Variants in ACVR1 observed in about 807,000 individuals in gnomAD.
ACVR1 encodes the protein activin A receptor type 1.
Under a neutral mutation model 57.1 loss-of-function variants are expected in ACVR1, and 38 were observed. That is an observed-to-expected ratio of 0.67 (90% confidence interval 0.51 to 0.87). The LOEUF (loss-of-function observed/expected upper bound fraction) is 0.87, where lower values mean the gene tolerates loss of function less well. ACVR1 is among the 40% of genes least tolerant of loss of function. The pLI is 0.00. For missense variants in ACVR1, 463 were observed against 638.2 expected (o/e 0.73, Z 2.96); for synonymous variants, 212 against 228.1 (o/e 0.93, Z 0.63).
chr2:157,803,548 C>T (rs1687404340), intron 2 of ACVR1, among the ~76,000 whole-genome samples: 2 of 152,104 alleles, frequency 1.3e-5, no homozygotes, highest in Admixed American at 1.3e-4. Flanking sequence ...AATCTCAACC[C>T]GAAGTCCCAA....
chr2:157,740,818 T>G (rs1344723408), intron 9 of ACVR1, among the ~76,000 whole-genome samples: 1 of 152,216 alleles, frequency 6.6e-6, no homozygotes, highest in African/African-American at 2.4e-5. Flanking sequence ...AATGTCCCCA[T>G]GTTTTAATAA....
At chr2:157,781,521 T>C (rs1447029464) in intron 3 of ACVR1, among the ~76,000 whole-genome samples, 1 of 152,124 alleles carries the variant, frequency 6.6e-6, no homozygotes, top group African/African-American at 2.4e-5. Flanking sequence ...AATTTTTGGC[T>C]GGCAGGAAAA....
At chr2:157,784,064 C>T (rs1006262645) in intron 3 of ACVR1, among the ~76,000 whole-genome samples, 6 of 152,206 alleles carry the variant, frequency 3.9e-5, no homozygotes, top group African/African-American at 1.4e-4. Context: ...ATAGCATTCT[C>T]GGATCTTAAT....
At chr2:157,791,344 G>A (rs756801982) in intron 3 of ACVR1, among the ~76,000 whole-genome samples, 1 of 152,176 alleles carries the variant, frequency 6.6e-6, no homozygotes, top group Admixed American at 6.5e-5. Context: ...TTGAAAGAGT[G>A]CATGTGATCA....
chr2:157,752,497 C>A (rs1467605949), intron 9 of ACVR1, among the ~76,000 whole-genome samples: 3 of 152,130 alleles, frequency 2.0e-5, no homozygotes, highest in Non-Finnish European at 4.4e-5. Context: ...TTCAGAAGGT[C>A]GTTTATTAAG....
chr2:157,770,441 G>A lies in ACVR1; in HGVS notation c.717C>T (p.Ser239=). The stretch of plus-strand genomic sequence containing the variant: ...CCCTGAACCATGACTTCTCATCACG[G>A]GAGGAGAAGATCTTCACGGCAACAT... ...GENVAVKIFS[S]RDEKSWFRET... is the part of the protein sequence containing the mutation. The change falls in exon 7 of 11, where the codon TCC becomes TCT. Residue 239 remains serine, a synonymous_variant. Coordinates refer to ENST00000434821, the MANE Select transcript of ACVR1 (RefSeq NM_001111067.4). 3 of 1,613,596 alleles carry A rather than the reference G, an allele frequency of 1.9e-6. No individual in the cohort carries two copies. The highest frequency in any genetic ancestry group is 2.5e-6 in the Non-Finnish European group (3 of 1,179,534).
intron 1 of ACVR1, among the ~76,000 whole-genome samples, chr2:157,832,810 C>T (rs1417238042): frequency 6.6e-6 from 1 of 152,140 alleles, no homozygotes; most frequent in Non-Finnish European, 1.5e-5. Flanking sequence ...AGATTCCACA[C>T]CTGTGATTAA....
chr2:157,813,213 A>G (rs371361141), intron 2 of ACVR1, among the ~76,000 whole-genome samples: 3 of 152,296 alleles, frequency 2.0e-5, no homozygotes, highest in African/African-American at 7.2e-5. Context: ...CTAAGCCTCA[A>G]AAGTTAAAAC....
intron 8 of ACVR1, among the ~76,000 whole-genome samples, chr2:157,761,514 T>TA (rs112344129): frequency 5.6e-4 from 85 of 152,302 alleles, no homozygotes; most frequent in African/African-American, 2.0e-3. Flanking sequence ...ATAGAGCATT[T>TA]AAAGTAATTT....
At chr2:157,748,751 A>G (rs1685066599) in intron 9 of ACVR1, among the ~76,000 whole-genome samples, 2 of 152,012 alleles carry the variant, frequency 1.3e-5, no homozygotes, top group South Asian at 2.1e-4. Flanking sequence ...TGCTATTAGG[A>G]AAAAAAACCA....
At chr2:157,840,346 C>T (rs1449373555) in intron 1 of ACVR1, among the ~76,000 whole-genome samples, 1 of 152,170 alleles carries the variant, frequency 6.6e-6, no homozygotes, top group African/African-American at 2.4e-5. Context: ...CAAACGCAAA[C>T]GAACGCATAA....
At chr2:157,781,663 G>A (rs568631807) in intron 3 of ACVR1, among the ~76,000 whole-genome samples, 1 of 152,328 alleles carries the variant, frequency 6.6e-6, no homozygotes, top group East Asian at 1.9e-4. Context: ...ATGGAAAGAG[G>A]CAGAAACGGA....
intron 9 of ACVR1, among the ~76,000 whole-genome samples, chr2:157,744,182 C>A (rs1384571099): frequency 6.6e-6 from 1 of 152,134 alleles, no homozygotes; most frequent in African/African-American, 2.4e-5. Flanking sequence ...CATCAGATAT[C>A]CAGGTAATGA....
chr2:157,826,924 G>GGAAA (rs887794766), intron 1 of ACVR1, among the ~76,000 whole-genome samples: 3 of 128,108 alleles, frequency 2.3e-5, no homozygotes, highest in South Asian at 2.5e-4. Context: ...AGGAAGGAAG[G>GGAAA]GAAAGAAAGA....
At chr2:157,787,719 C>T (rs1286260479) in intron 3 of ACVR1, among the ~76,000 whole-genome samples, 1 of 152,128 alleles carries the variant, frequency 6.6e-6, no homozygotes, top group Non-Finnish European at 1.5e-5. Flanking sequence ...CTCGGGCTAA[C>T]CAGAGAGTGT....
At chr2:157,858,798 T>A (rs1217345528) in intron 1 of ACVR1, among the ~76,000 whole-genome samples, 1 of 152,126 alleles carries the variant, frequency 6.6e-6, no homozygotes, top group Non-Finnish European at 1.5e-5. Flanking sequence ...TTAATTTTTT[T>A]AATAGAGACA....
chr2:157,746,141 C>G (rs534933019), intron 9 of ACVR1, among the ~76,000 whole-genome samples: 1 of 152,174 alleles, frequency 6.6e-6, no homozygotes, highest in Admixed American at 6.5e-5. Flanking sequence ...TGTACTAGGG[C>G]CAAGAGGTAG....
intron 9 of ACVR1, among the ~76,000 whole-genome samples, chr2:157,752,619 G>C (rs979422942): frequency 6.6e-6 from 1 of 152,190 alleles, no homozygotes; most frequent in African/African-American, 2.4e-5. Flanking sequence ...CCACAAGCTA[G>C]AAGGGATTGG....
chr2:157,854,022 A>G (rs532574105), intron 1 of ACVR1, among the ~76,000 whole-genome samples: 39 of 152,276 alleles, frequency 2.6e-4, no homozygotes, highest in African/African-American at 6.7e-4. Flanking sequence ...GCCAAGCTGT[A>G]CTGTAATCAC....
Sources: gnomAD v4.1 joint callset for allele counts (sites outside exome capture counted in the v4.1 genomes callset) on GRCh38, gnomAD v4.1.1 for gene constraint, MANE v1.5 for transcripts, NCBI Gene and HGNC (gene_info 2026-07-23, HGNC 2026-07-21) for gene names.